Variants in SLC35A3 observed in about 807,000 individuals in gnomAD.
SLC35A3 encodes the protein UDP-N-acetylglucosamine transporter.
SLC35A3 carries 26 observed loss-of-function variants against 39.0 expected under a neutral mutation model. The ratio of observed to expected loss-of-function variants is 0.67; its 90% confidence interval spans 0.49 to 0.92. SLC35A3 has a LOEUF of 0.92. SLC35A3 is among the 40% of genes least tolerant of loss of function. The pLI is 0.00. For synonymous variants in SLC35A3, 135 were observed against 133.1 expected, an observed-to-expected ratio of 1.01 and a Z score of -0.10; for missense variants, 299 against 371.6, an observed-to-expected ratio of 0.80 and a Z score of 1.61.
At chr1:99,970,786 C>A in intron 1 of SLC35A3, 1 of 602,656 alleles carries the variant, frequency 1.7e-6, no homozygotes, top group Non-Finnish European at 2.8e-6. Context: ...TAAGTCTTTT[C>A]GTTTTTGAAA....
intron 1 of SLC35A3, among the ~76,000 whole-genome samples, chr1:99,981,733 A>G (rs1037098046): frequency 6.6e-6 from 1 of 152,044 alleles, no homozygotes; most frequent in African/African-American, 2.4e-5. Flanking sequence ...CGCTCACCTC[A>G]GCCTCCCAAA....
intron 1 of SLC35A3, among the ~76,000 whole-genome samples, chr1:99,974,465 C>T (rs918046435): frequency 6.6e-6 from 1 of 152,118 alleles, no homozygotes; most frequent in Admixed American, 6.6e-5. Context: ...TGGTGACTGA[C>T]CCTCTGATAC....
chr1:100,028,796 G>A lies in SLC35A3; in HGVS notation c.*6320G>A, dbSNP rs1267778807. The A allele has an allele frequency of 2.0e-5, 3 of 152,090 alleles. No homozygotes were observed. Among genetic ancestry groups the A allele is most frequent in the Non-Finnish European group, 4.4e-5 (3 of 68,022 alleles). The allele number at this position is 152,090 out of a possible 1,614,324, so 9.4% of individuals were successfully genotyped here. A position where few individuals can be genotyped will look rare whatever the true frequency, so the allele number is the denominator to read the frequency against. On this transcript the variant is annotated 3_prime_UTR_variant, in exon 8 of 8. Transcript: ENST00000533028. ...GTGTTTTGGTCATTGCAAATTCAGG[G>A]GTTTCCCAAGTTCACCCTCAGTTCT...
In SLC35A3 at chr1:100,032,238, TTC is replaced by T. The variant is rs1570641146; in HGVS notation, c.*9764_*9765del. On this transcript the variant is annotated 3_prime_UTR_variant, in exon 8 of 8. Transcript: ENST00000533028. ...GTAATGTTTTAGCACCAGGAGAATA[TTC>T]TGTTTCCCAATGCCTTTAGCATCAA... 1 of 152,324 alleles carries T rather than the reference TTC, an allele frequency of 6.6e-6. No individual in the cohort carries two copies. Among genetic ancestry groups the T allele is most frequent in the East Asian group, 1.9e-4 (1 of 5,186 alleles). The allele number at this position is 152,324 out of a possible 1,614,324, so 9.4% of individuals were successfully genotyped here.
rs1660706600 is a variant in SLC35A3, at chr1:100,023,762, A to G, written c.*1286A>G. 1 of 152,284 alleles carries G rather than the reference A, an allele frequency of 6.6e-6. No homozygotes were observed. Among genetic ancestry groups the G allele is most frequent in the African/African-American group, 2.4e-5 (1 of 41,456 alleles). 9.4% of individuals were successfully genotyped at this position (152,284 alleles called of 1,614,324 possible). A position where few individuals can be genotyped will look rare whatever the true frequency, so the allele number is the denominator to read the frequency against. On this transcript the variant is annotated 3_prime_UTR_variant, in exon 8 of 8. Transcript: ENST00000533028. The stretch of plus-strand genomic sequence containing the variant: ...AGTGGCTCACGCCTGTAATCCTAGC[A>G]GTTTGGGAGGCTGAGGCAGGTGGAT...
At chr1:100,010,174 A>G (rs1659529164) in intron 4 of SLC35A3, among the ~76,000 whole-genome samples, 1 of 152,190 alleles carries the variant, frequency 6.6e-6, no homozygotes, top group Admixed American at 6.5e-5. Flanking sequence ...CCATCATCCA[A>G]AGAGTCAGTT....
chr1:100,027,117 T>C lies in SLC35A3; in HGVS notation c.*4641T>C. 2.5e-6 allele frequency: 1 copy of C among 398,550 alleles called. No homozygotes were observed. The highest frequency in any genetic ancestry group is 4.4e-6 in the Non-Finnish European group (1 of 226,032). The allele number at this position is 398,550 out of a possible 1,614,324, so 24.7% of individuals were successfully genotyped here. ...CTGTAGTATCTCTATCACTGTCACATGTGATCTTTCTTCCTTTTCTCTAGC... is the reference window on the plus strand; with the variant it reads ...CTGTAGTATCTCTATCACTGTCACACGTGATCTTTCTTCCTTTTCTCTAGC... On this transcript the variant is annotated 3_prime_UTR_variant, in exon 8 of 8. Coordinates refer to ENST00000533028, the MANE Select transcript of SLC35A3 (RefSeq NM_012243.3).
rs938638710 is a variant in SLC35A3, at chr1:100,031,231, A to G, written c.*8755A>G. The G allele has an allele frequency of 6.6e-5, 10 of 152,168 alleles. No individual in the cohort carries two copies. Among genetic ancestry groups the G allele is most frequent in the African/African-American group, 2.4e-4 (10 of 41,438 alleles). The allele number at this position is 152,168 out of a possible 1,614,324, so 9.4% of individuals were successfully genotyped here. ...CGGCATTGTTAAAGAACCTTTTTTA[A>G]AATTAAATTTTCTCCAGCTTTTCAT... On this transcript the variant is annotated 3_prime_UTR_variant, in exon 8 of 8. Transcript: ENST00000533028.
chr1:99,988,870 C>T (rs1317349854), intron 1 of SLC35A3, among the ~76,000 whole-genome samples: 5 of 151,924 alleles, frequency 3.3e-5, no homozygotes, highest in African/African-American at 1.2e-4. Context: ...GGGCTCAAGC[C>T]ATCCTCCTGC....
intron 3 of SLC35A3, among the ~76,000 whole-genome samples, chr1:100,003,947 T>G (rs1480196919): frequency 6.6e-6 from 1 of 152,208 alleles, no homozygotes; most frequent in African/African-American, 2.4e-5. Flanking sequence ...TCTGCTCGTT[T>G]TTGGTTTCTG....
chr1:99,986,981 G>C (rs1657780602), intron 1 of SLC35A3, among the ~76,000 whole-genome samples: 1 of 152,212 alleles, frequency 6.6e-6, no homozygotes, highest in East Asian at 1.9e-4. Flanking sequence ...TCCTTGAACA[G>C]ATATGAAATC....
intron 1 of SLC35A3, among the ~76,000 whole-genome samples, chr1:99,988,293 C>T (rs1330291088): frequency 6.6e-6 from 1 of 151,988 alleles, no homozygotes; most frequent in African/African-American, 2.4e-5. Flanking sequence ...ATACAGTATA[C>T]TGTTTTGTTT....
intron 1 of SLC35A3, among the ~76,000 whole-genome samples, chr1:99,988,823 C>T (rs1657907222): frequency 6.6e-6 from 1 of 151,860 alleles, no homozygotes; most frequent in African/African-American, 2.4e-5. Flanking sequence ...TAGAATACAG[C>T]AGTTCAATTG....
chr1:100,005,318 T>G (rs2101283217), intron 3 of SLC35A3, among the ~76,000 whole-genome samples: 1 of 152,366 alleles, frequency 6.6e-6, no homozygotes, highest in East Asian at 1.9e-4. Flanking sequence ...TTAATCTTTA[T>G]TGTTGTTTCA....
rs1003081374 is a variant in SLC35A3 at position 100,024,388 on chromosome 1, T to G, written c.*1912T>G. ...CAGCATGGTGAAATCCCATCTCTAC[T>G]AATAATACAAAAATTAGCTGGGCAT... On this transcript the variant is annotated 3_prime_UTR_variant, in exon 8 of 8. Coordinates refer to ENST00000533028, the MANE Select transcript of SLC35A3 (RefSeq NM_012243.3). The G allele has an allele frequency of 4.6e-5, 7 of 150,928 alleles. No individual in the cohort carries two copies. Among genetic ancestry groups the G allele is most frequent in the African/African-American group, 1.7e-4 (7 of 41,118 alleles). The allele number at this position is 150,928 out of a possible 1,614,324, so 9.3% of individuals were successfully genotyped here.
At chr1:99,973,994 G>A (rs1248791444) in intron 1 of SLC35A3, among the ~76,000 whole-genome samples, 2 of 140,570 alleles carry the variant, frequency 1.4e-5, no homozygotes, top group Non-Finnish European at 3.0e-5. Context: ...CAGCCTGGGC[G>A]ACAGAGTGAG....
chr1:100,018,336 A>G (rs2101462559), intron 7 of SLC35A3, among the ~76,000 whole-genome samples: 1 of 152,254 alleles, frequency 6.6e-6, no homozygotes, highest in East Asian at 1.9e-4. Context: ...GAGTGTAATG[A>G]ATATCCATTA....
At chr1:99,972,867 A>G (rs755573329) in intron 1 of SLC35A3, among the ~76,000 whole-genome samples, 11 of 152,198 alleles carry the variant, frequency 7.2e-5, no homozygotes, top group Non-Finnish European at 1.6e-4. Flanking sequence ...TCGTTGGTGT[A>G]GGATAGTTAT....
At chr1:99,974,802 T>C (rs958867937) in intron 1 of SLC35A3, among the ~76,000 whole-genome samples, 3 of 152,206 alleles carry the variant, frequency 2.0e-5, no homozygotes, top group African/African-American at 7.2e-5. Context: ...GAGATCTAAA[T>C]GAGATAATAC....
Sources: allele counts gnomAD v4.1 joint callset (sites outside exome capture counted in the v4.1 genomes callset), GRCh38; gene constraint gnomAD v4.1.1; transcripts MANE v1.5; gene names NCBI Gene and HGNC (gene_info 2026-07-23, HGNC 2026-07-21).